The following DST variants were observed in gnomAD, a reference collection of about 807,000 sequenced individuals.
DST encodes the protein dystonin.
DST carries 253 observed loss-of-function variants against 875.2 expected under a neutral mutation model. The ratio of observed to expected loss-of-function variants is 0.29; its 90% CI spans 0.26 to 0.32. The LOEUF (loss-of-function observed/expected upper bound fraction) is 0.32. Among genes scored for constraint, DST ranks in the 10% least tolerant of loss-of-function variants. The pLI is 1.00. For missense variants in DST, 8,287 were observed against 9,111.6 expected (o/e 0.91, Z 3.68); for synonymous variants, 3,124 against 3,197.1 (o/e 0.98, Z 0.77).
chr6:56,917,451 G>T (rs1159550074), intron 2 of DST, among the ~76,000 whole-genome samples: 1 of 152,186 alleles, frequency 6.6e-6, no homozygotes, highest in East Asian at 1.9e-4. Context: ...TTTCTGCTCT[G>T]TCTTTGACAA....
intron 2 of DST, among the ~76,000 whole-genome samples, chr6:56,916,404 T>C (rs1352932696): frequency 3.3e-5 from 5 of 152,242 alleles, no homozygotes; most frequent in Non-Finnish European, 5.9e-5. Context: ...GCCCACTTTC[T>C]ACTGGTTGTT....
At chr6:56,752,642 T>G (rs1180150282) in intron 4 of DST, among the ~76,000 whole-genome samples, 3 of 152,226 alleles carry the variant, frequency 2.0e-5, no homozygotes, top group Non-Finnish European at 4.4e-5. Flanking sequence ...CACTATTACA[T>G]GTACCAGTGA....
intron 4 of DST, among the ~76,000 whole-genome samples, chr6:56,753,045 C>A (rs2099592503): frequency 6.6e-6 from 1 of 152,170 alleles, no homozygotes; most frequent in African/African-American, 2.4e-5. Flanking sequence ...CCCGCCTCGG[C>A]CTCCCAAAGT....
At chr6:56,756,828 C>A (rs1038777767) in intron 4 of DST, among the ~76,000 whole-genome samples, 5 of 152,204 alleles carry the variant, frequency 3.3e-5, no homozygotes, top group African/African-American at 1.2e-4. Flanking sequence ...ACAATATTTT[C>A]TCTGCATTTC....
chr6:56,753,371 C>G (rs888377483), intron 4 of DST, among the ~76,000 whole-genome samples: 1 of 152,200 alleles, frequency 6.6e-6, no homozygotes, highest in African/African-American at 2.4e-5. Flanking sequence ...AGAGCACCAA[C>G]TTCAAAGGCA....
At chr6:56,922,889 C>G (rs1017608643) in intron 2 of DST, among the ~76,000 whole-genome samples, 9 of 152,172 alleles carry the variant, frequency 5.9e-5, no homozygotes, top group Non-Finnish European at 1.3e-4. Context: ...TTAAACATTA[C>G]TAAATTTTAT....
At chr6:56,477,538 A>G (rs2095249052) in intron 90 of DST, 50 bp from the exon 91 acceptor site, 1 of 1,609,172 alleles carries the variant, frequency 6.2e-7, no homozygotes, top group African/African-American at 1.3e-5. Context: ...GGCTGAAAAC[A>G]AAACTCTGGT....
At chr6:56,549,397 T>C (rs1006036237) in intron 61 of DST, among the ~76,000 whole-genome samples, 10 of 152,204 alleles carry the variant, frequency 6.6e-5, no homozygotes, top group Non-Finnish European at 1.3e-4. Flanking sequence ...ATACAAATCA[T>C]TCCATTTAAA....
chr6:56,810,962 G>A (rs561565737), intron 4 of DST, among the ~76,000 whole-genome samples: 13 of 151,860 alleles, frequency 8.6e-5, no homozygotes, highest in East Asian at 7.8e-4. Context: ...CAGGAGGATC[G>A]TTTGAGCCCA....
rs1337994107 is a variant in DST at position 56,825,312 on chromosome 6, A to C, written c.625+26085T>G. 3.4e-5 allele frequency among the ~76,000 whole-genome samples: 5 copies of C among 148,028 alleles called. No homozygotes were observed. The South Asian group carries it at 1.1e-3, about 33-fold the overall frequency. ...ATGCTTGAAGGCAGCATGCTCGTTA[A>C]GAGTCATCACCACTCCCTAATCTCA... On this transcript the variant is annotated intron_variant, in intron 4 of 103. Coordinates refer to ENST00000680361, the MANE Select transcript of DST (RefSeq NM_001374736.1).
At chr6:56,536,705 T>C in intron 62 of DST, 74 bp downstream of exon 62, 1 of 1,394,602 alleles carries the variant, frequency 7.2e-7, no homozygotes, top group Non-Finnish European at 9.5e-7. Flanking sequence ...CTACCACAAA[T>C]ATGATTCATG....
At chr6:56,898,977 T>C (rs1282103750) in intron 3 of DST, among the ~76,000 whole-genome samples, 1 of 152,220 alleles carries the variant, frequency 6.6e-6, no homozygotes, top group Non-Finnish European at 1.5e-5. Context: ...TAACAGATGG[T>C]AGAGGTACAT....
chr6:56,934,398 C>T (rs1427656587), intron 2 of DST, among the ~76,000 whole-genome samples: 2 of 151,464 alleles, frequency 1.3e-5, no homozygotes, highest in Admixed American at 6.6e-5. Flanking sequence ...ATTTGGAAAG[C>T]TAACAATAAT....
At chr6:56,843,443 G>A in intron 4 of DST, 3 of 1,025,808 alleles carry the variant, frequency 2.9e-6, no homozygotes, top group African/African-American at 1.7e-5. Flanking sequence ...CAGGGGCGGC[G>A]ACGAGCAGCG....
rs1808959793 is a variant in DST, at chr6:56,929,407, CTCT to C, written c.216+24375_216+24377del. ...AAAAGAAGTATTTCTCTATGGAAAG[CTCT>C]TCAAGATACATTGAGTGAATAAAAC... is the stretch of plus-strand genomic sequence containing the variant. On this transcript the variant is annotated intron_variant, in intron 2 of 103. Transcript: ENST00000680361. 2.0e-5 allele frequency among the ~76,000 whole-genome samples: 3 copies of C among 152,212 alleles called. No homozygotes were observed. The South Asian group carries it at 6.2e-4, about 32-fold the overall frequency.
chr6:56,725,596 T>A (rs1220800028), intron 5 of DST, among the ~76,000 whole-genome samples: 1 of 152,142 alleles, frequency 6.6e-6, no homozygotes, highest in Non-Finnish European at 1.5e-5. Context: ...AGTTAGGTAG[T>A]TTGAAATTTA....
intron 4 of DST, among the ~76,000 whole-genome samples, chr6:56,783,165 AGGTGT>A (rs1267816448): frequency 4.6e-5 from 7 of 152,076 alleles, no homozygotes; most frequent in African/African-American, 1.7e-4. Flanking sequence ...GTTTTGGAAT[AGGTGT>A]GGTGTGGTGC....
At chr6:56,710,506 A>G (rs1312774687) in intron 5 of DST, among the ~76,000 whole-genome samples, 2 of 152,242 alleles carry the variant, frequency 1.3e-5, no homozygotes, top group Admixed American at 1.3e-4. Context: ...TTTTCAATGC[A>G]ATTTTTTTAC....
At chr6:56,758,281 G>A (rs573936093) in intron 4 of DST, among the ~76,000 whole-genome samples, 6 of 152,308 alleles carry the variant, frequency 3.9e-5, no homozygotes, top group African/African-American at 1.4e-4. Context: ...TGCTACTTCT[G>A]AGGAGGGCCC....
Sources: allele counts gnomAD v4.1 joint callset (sites outside exome capture counted in the v4.1 genomes callset), GRCh38; gene constraint gnomAD v4.1.1; transcripts MANE v1.5; gene names NCBI Gene and HGNC (gene_info 2026-07-23, HGNC 2026-07-21).